Variants in C12orf60 observed in about 807,000 individuals in gnomAD.
The protein encoded by C12orf60 is uncharacterized protein C12orf60.
For missense variants in C12orf60, 284 were observed against 283.2 expected (o/e 1.00, Z -0.02); for synonymous variants, 102 against 94.6 (o/e 1.08, Z -0.45).
chr12:14,818,074 A>G (rs1950250829), intron 1 of C12orf60, among the ~76,000 whole-genome samples: 1 of 152,100 alleles, frequency 6.6e-6, no homozygotes, highest in South Asian at 2.1e-4. Flanking sequence ...CATTTCTCTG[A>G]TGATCTGTGT....
intron 1 of C12orf60, among the ~76,000 whole-genome samples, chr12:14,804,319 T>A (rs753563323): frequency 6.6e-6 from 1 of 152,176 alleles, no homozygotes; most frequent in Non-Finnish European, 1.5e-5. Flanking sequence ...CTTATTTCCC[T>A]TAAAGGTAAG....
Position 14,823,107 on chromosome 12 carries a change from G to A in C12orf60, c.172G>A (p.Asp58Asn). 1 of 1,614,092 alleles carries A rather than the reference G, an allele frequency of 6.2e-7. No homozygotes were observed. The highest frequency in any genetic ancestry group is 8.5e-7 in the Non-Finnish European group (1 of 1,180,004). The part of the protein sequence containing the change: ...MAVKNNSYIK[D>N]FFEQMLKIFK... ...TGTGAAAAACAATAGTTACATTAAG[G>A]ATTTTTTTGAGCAAATGCTCAAAAT... The change falls in exon 2 of 2, where the codon GAT (aspartate) becomes AAT (asparagine). Residue 58 changes from aspartate (D) to asparagine (N), a missense_variant. Asp to Asn is a conservative substitution (Grantham distance 23). Transcript: ENST00000330828.
intron 1 of C12orf60, chr12:14,806,691 T>C (rs1022456077): frequency 1.9e-5 from 30 of 1,564,110 alleles, no homozygotes; most frequent in Non-Finnish European, 2.5e-5. Context: ...ATTTCCAATA[T>C]GATCGCTGAA....
chr12:14,806,225 T>G, intron 1 of C12orf60: 1 of 1,614,210 alleles, frequency 6.2e-7, no homozygotes, highest in Non-Finnish European at 8.5e-7. Context: ...CAATTTGAGC[T>G]AACACAGTGA....
At position 14,823,295 on chromosome 12, in the gene C12orf60, G is replaced by A. The variant is rs575360384; in HGVS notation, c.360G>A (p.Thr120=). 51 of 1,614,056 alleles carry A rather than the reference G, an allele frequency of 3.2e-5. 1 individual carries two copies. The highest frequency in any genetic ancestry group is 3.9e-5 in the Non-Finnish European group (46 of 1,180,012). The change falls in exon 2 of 2, where the codon ACG becomes ACA. Residue 120 remains threonine, a synonymous_variant. Coordinates refer to ENST00000330828, the MANE Select transcript of C12orf60 (RefSeq NM_175874.4). ...SAKEVFKSAH[T]PVIISVLNSS... ...AAGAAGTATTCAAAAGTGCCCATAC[G>A]CCAGTCATCATCTCTGTGCTAAACA...
intron 1 of C12orf60, among the ~76,000 whole-genome samples, chr12:14,819,364 C>T (rs918865569): frequency 2.6e-5 from 4 of 152,046 alleles, no homozygotes; most frequent in South Asian, 2.1e-4. Context: ...AGAAAACAAT[C>T]GATATTTGAA....
At chr12:14,812,385 A>C (rs1950154442) in intron 1 of C12orf60, among the ~76,000 whole-genome samples, 1 of 152,162 alleles carries the variant, frequency 6.6e-6, no homozygotes, top group Non-Finnish European at 1.5e-5. Flanking sequence ...CAGAGCTTGC[A>C]GTGAGCCGAG....
rs1007844440 is a variant in C12orf60 at position 14,823,941 on chromosome 12, A to T, written c.*268A>T. ...ATTACATTTGAGGATGTTTCTAAAT[A>T]TTGTGTTTCATCTTAAAGCATAATT... On this transcript the variant is annotated 3_prime_UTR_variant, in exon 2 of 2. Transcript: ENST00000330828. The T allele has an allele frequency of 3.8e-5, 9 of 235,720 alleles. No homozygotes were observed. The East Asian group carries it at 7.0e-4, about 18-fold the overall frequency. 14.6% of individuals were successfully genotyped at this position (235,720 alleles called of 1,614,324 possible). A position where few individuals can be genotyped will look rare whatever the true frequency, so the allele number is the denominator to read the frequency against.
intron 1 of C12orf60, among the ~76,000 whole-genome samples, chr12:14,816,843 C>T (rs993242768): frequency 1.3e-5 from 2 of 150,626 alleles, no homozygotes; most frequent in African/African-American, 4.9e-5. Context: ...CTCCCAGGTT[C>T]AAGCAATTCT....
intron 1 of C12orf60, among the ~76,000 whole-genome samples, chr12:14,821,075 ATGTAATTATTGATATGCTTAAATTAAG>A (rs1221673101): frequency 6.6e-6 from 1 of 152,120 alleles, no homozygotes; most frequent in Non-Finnish European, 1.5e-5. Flanking sequence ...TGCATATTTA[ATGTAATTATTGATATGCTTAAATTAAG>A]TGTAACATTT....
At chr12:14,806,483 A>G (rs1405403691) in intron 1 of C12orf60, 5 of 1,614,130 alleles carry the variant, frequency 3.1e-6, no homozygotes, top group Non-Finnish European at 4.2e-6. Context: ...TGATGAGGTC[A>G]CAGTTTTCTT....
At chr12:14,809,641 T>G (rs1409439745) in intron 1 of C12orf60, among the ~76,000 whole-genome samples, 3 of 152,006 alleles carry the variant, frequency 2.0e-5, no homozygotes, top group Admixed American at 6.6e-5. Context: ...TGTAGAAAAT[T>G]AAATAATAGC....
Position 14,823,634 on chromosome 12 carries a change from A to T in C12orf60, c.699A>T (p.Glu233Asp). ...EILQKAIKTM[E>D]MNISVFKKAS... ...TCCAAAAAGCGATAAAGACTATGGA[A>T]ATGAATATTTCTGTGTTTAAGAAAG... The change falls in exon 2 of 2, where the codon GAA (glutamate) becomes GAT (aspartate). Residue 233 changes from glutamate (E) to aspartate (D), a missense_variant. Physicochemically the swap from Glu to Asp is conservative, Grantham distance 45 (BLOSUM62 2). Transcript: ENST00000330828. 1 of 1,591,356 alleles carries T rather than the reference A, an allele frequency of 6.3e-7. No individual in the cohort carries two copies.
intron 1 of C12orf60, among the ~76,000 whole-genome samples, chr12:14,816,010 G>C (rs373087220): frequency 2.6e-5 from 4 of 152,320 alleles, no homozygotes; most frequent in African/African-American, 9.6e-5. Flanking sequence ...TAATCAACTT[G>C]AACTTCTTTT....
At position 14,803,671 on chromosome 12, in the gene C12orf60, GAAGA is replaced by G. The variant is rs761798397; in HGVS notation, c.-103_-100del. The G allele has an allele frequency of 2.2e-4, 87 of 393,728 alleles. No individual in the cohort carries two copies. The highest frequency in any genetic ancestry group is 3.4e-4 in the Non-Finnish European group (75 of 223,578). 24.4% of individuals were successfully genotyped at this position (393,728 alleles called of 1,614,324 possible). The stretch of plus-strand genomic sequence containing the variant: ...CGCTCATCTAGTACAATAGGAATTA[GAAGA>G]AGATAGCTGCTAACTGAGTGGCTGA... On this transcript the variant is annotated 5_prime_UTR_variant, in exon 1 of 2. Coordinates refer to ENST00000330828, the MANE Select transcript of C12orf60 (RefSeq NM_175874.4).
At chr12:14,812,301 G>A (rs908022094) in intron 1 of C12orf60, among the ~76,000 whole-genome samples, 18 of 152,274 alleles carry the variant, frequency 1.2e-4, no homozygotes, top group Non-Finnish European at 2.2e-4. Flanking sequence ...AAAATTAGCC[G>A]GGCGCGGTGG....
chr12:14,804,754 A>G (rs1950022134), intron 1 of C12orf60: 1 of 152,248 alleles, frequency 6.6e-6, no homozygotes, highest in Non-Finnish European at 1.5e-5. Context: ...ATGCAAGAAG[A>G]GAAAGAGAAA....
rs1471608198 is a variant in C12orf60, at chr12:14,823,434, G to T, written c.499G>T (p.Val167Phe). 2 of 1,613,776 alleles carry T rather than the reference G, an allele frequency of 1.2e-6. No individual in the cohort carries two copies. The highest frequency in any genetic ancestry group is 1.3e-5 in the African/African-American group (1 of 74,844). Reference protein sequence around the residue: ...YTEDTKEQSDVTTSERTRSPP... With the variant: ...YTEDTKEQSDFTTSERTRSPP... ...AGAAGACACCAAAGAGCAATCAGAT[G>T]TCACCACATCTGAGAGAACCAGAAG... is the stretch of plus-strand genomic sequence containing the variant. The change falls in exon 2 of 2, where the codon GTC becomes TTC. Residue 167 changes from valine to phenylalanine, a missense_variant. By Grantham distance (50) the Val-to-Phe change is conservative. Coordinates refer to ENST00000330828, the MANE Select transcript of C12orf60 (RefSeq NM_175874.4).
chr12:14,805,791 C>T (rs1053816710), intron 1 of C12orf60: 3 of 547,370 alleles, frequency 5.5e-6, no homozygotes, highest in African/African-American at 1.9e-5. Context: ...AATTTTTTTA[C>T]CTCACAGGGT....
Sources: allele counts gnomAD v4.1 joint callset (sites outside exome capture counted in the v4.1 genomes callset), GRCh38; gene constraint gnomAD v4.1.1; transcripts MANE v1.5; gene names NCBI Gene and HGNC (gene_info 2026-07-23, HGNC 2026-07-21).